Variants in LPP observed in about 807,000 individuals in gnomAD.
The protein encoded by LPP is LIM domain containing preferred translocation partner in lipoma, also known as lipoma-preferred partner.
Under a neutral mutation model 60.4 loss-of-function variants are expected in LPP, and 38 were observed. The observed-to-expected ratio is 0.63, with a 90% CI of 0.49 to 0.83. LPP has a LOEUF of 0.83. Among genes scored for constraint, LPP ranks in the 40% least tolerant of loss-of-function variants. The pLI is 0.00. For missense variants in LPP, 902 were observed against 783.6 expected (o/e 1.15, Z -1.80); for synonymous variants, 328 against 290.8 (o/e 1.13, Z -1.30).
chr3:188,229,950 A>G (rs1008586205), intron 2 of LPP, among the ~76,000 whole-genome samples: 18 of 152,276 alleles, frequency 1.2e-4, no homozygotes, highest in African/African-American at 4.3e-4. Flanking sequence ...TGCTGCCCTG[A>G]TCTCAGTGTT....
chr3:188,252,343 T>C (rs1730139145), intron 2 of LPP, among the ~76,000 whole-genome samples: 1 of 127,422 alleles, frequency 7.8e-6, no homozygotes, highest in Admixed American at 8.5e-5. Context: ...TCCCTCCCTT[T>C]CCCCCTTCTT....
rs564768936 is a variant in LPP, at chr3:188,609,929, AGT to A, written c.1113+94_1113+95del. 1,856 of 1,289,356 alleles carry A rather than the reference AGT, an allele frequency of 1.4e-3. 44 individuals are homozygous for A. The South Asian group carries it at 0.025, about 17-fold the overall frequency. The allele number at this position is 1,289,356 out of a possible 1,614,324, so 79.9% of individuals were successfully genotyped here. A position where few individuals can be genotyped will look rare whatever the true frequency, so the allele number is the denominator to read the frequency against. ...CCCAGGAAGCGAAGCCTAAGGCAAA[AGT>A]GTGTGTGTTACTTTTATTTCACTGA... On this transcript the variant is annotated intron_variant, in intron 7 of 11. Coordinates refer to ENST00000617246, the MANE Select transcript of LPP (RefSeq NM_001375462.1). The surrounding 1 kb of genome is among the most constrained non-coding windows in gnomAD (Gnocchi z 6.9).
rs762713351 is a variant in LPP, at chr3:188,524,889, T to TTCCG, written c.429+110_429+113dup. ...TGAGAGCTTATTTCCCCTTCCTTCCTTCCGTCCGTCCTTCCTTCCTTCCTT... is the reference window on the plus strand; with the variant it reads ...TGAGAGCTTATTTCCCCTTCCTTCCTTCCGTCCGTCCGTCCTTCCTTCCTTCCTT... On this transcript the variant is annotated intron_variant, in intron 6 of 11. Coordinates refer to ENST00000617246, the MANE Select transcript of LPP (RefSeq NM_001375462.1). The TTCCG allele has an allele frequency of 4.1e-4, 50 of 120,606 alleles. 3 individuals are homozygous for TTCCG. Among genetic ancestry groups the TTCCG allele is most frequent in the Admixed American group, 3.6e-3 (17 of 4,770 alleles). The allele number at this position is 120,606 out of a possible 1,614,324, so 7.5% of individuals were successfully genotyped here.
intron 3 of LPP, among the ~76,000 whole-genome samples, chr3:188,342,829 C>T (rs1052949153): frequency 4.6e-5 from 7 of 152,118 alleles, no homozygotes; most frequent in Non-Finnish European, 8.8e-5. Context: ...CACGTGCAGA[C>T]AAGGTAGGTT....
chr3:188,693,595 A>C (rs965269225), intron 7 of LPP, among the ~76,000 whole-genome samples: 3 of 151,880 alleles, frequency 2.0e-5, no homozygotes, highest in African/African-American at 7.3e-5. Context: ...GAGGAGAAAC[A>C]CTCTTTGTTT....
At chr3:188,555,536 C>G (rs1444069565) in intron 6 of LPP, among the ~76,000 whole-genome samples, 1 of 151,922 alleles carries the variant, frequency 6.6e-6, no homozygotes, top group Non-Finnish European at 1.5e-5. Context: ...CCATTGCAGC[C>G]TCAACAACTA....
chr3:188,752,213 G>A (rs1259806026), intron 8 of LPP, among the ~76,000 whole-genome samples: 1 of 152,130 alleles, frequency 6.6e-6, no homozygotes, highest in Non-Finnish European at 1.5e-5. Flanking sequence ...CCTAGAAAAG[G>A]TTACTGCAGT....
chr3:188,660,171 C>A (rs1854258021), intron 7 of LPP, among the ~76,000 whole-genome samples: 1 of 152,042 alleles, frequency 6.6e-6, no homozygotes, highest in South Asian at 2.1e-4. Context: ...TTACTTTTGC[C>A]TTGGTTCTCC....
chr3:188,517,117 A>C (rs997768241), intron 5 of LPP, among the ~76,000 whole-genome samples: 2 of 152,232 alleles, frequency 1.3e-5, no homozygotes, highest in Admixed American at 6.5e-5. Flanking sequence ...TATTATGTGA[A>C]TATTACTTGA....
chr3:188,317,340 G>A (rs1414524929), intron 2 of LPP, among the ~76,000 whole-genome samples: 5 of 151,854 alleles, frequency 3.3e-5, no homozygotes, highest in Non-Finnish European at 7.4e-5. Context: ...ATTCATGCAG[G>A]GCATCCTAGA....
chr3:188,296,452 G>A (rs959840743), intron 2 of LPP, among the ~76,000 whole-genome samples: 1 of 152,178 alleles, frequency 6.6e-6, no homozygotes, highest in East Asian at 1.9e-4. Flanking sequence ...CAGAGGCAGG[G>A]ATGTATCCAG....
In LPP at chr3:188,876,936, A is replaced by G. The variant is rs951005583; in HGVS notation, c.*2457A>G. ...TGCTTGCTTACAATCTTTATTATGC[A>G]TTCTTATAACATAACCTCAGAGTAT... On this transcript the variant is annotated 3_prime_UTR_variant, in exon 12 of 12. Transcript: ENST00000617246. The G allele has an allele frequency of 4.4e-5, 8 of 180,018 alleles. No individual in the cohort carries two copies. The South Asian group carries it at 1.6e-3, about 36-fold the overall frequency. 11.2% of individuals were successfully genotyped at this position (180,018 alleles called of 1,614,324 possible). A position where few individuals can be genotyped will look rare whatever the true frequency, so the allele number is the denominator to read the frequency against.
At chr3:188,615,685 G>T (rs183683666) in intron 7 of LPP, among the ~76,000 whole-genome samples, 1 of 152,258 alleles carries the variant, frequency 6.6e-6, no homozygotes, top group Admixed American at 6.5e-5. Flanking sequence ...CTTTAAGGAT[G>T]CATTTAACCT....
chr3:188,233,436 A>G (rs1441366329), intron 2 of LPP, among the ~76,000 whole-genome samples: 2 of 152,316 alleles, frequency 1.3e-5, no homozygotes, highest in East Asian at 1.9e-4. Context: ...GGACTTCTTC[A>G]GGATGAGATC....
chr3:188,634,980 G>A (rs1848463357), intron 7 of LPP, among the ~76,000 whole-genome samples: 1 of 152,170 alleles, frequency 6.6e-6, no homozygotes, highest in African/African-American at 2.4e-5. Context: ...GGATAGAATA[G>A]GGACCAGAAA....
chr3:188,524,217 C>T (rs933191035), intron 5 of LPP, among the ~76,000 whole-genome samples: 45 of 152,294 alleles, frequency 3.0e-4, no homozygotes, highest in African/African-American at 9.6e-4. Flanking sequence ...CTGGCATGCT[C>T]CAATGTCTTC....
intron 7 of LPP, among the ~76,000 whole-genome samples, chr3:188,699,277 C>G (rs1241583870): frequency 1.3e-5 from 2 of 152,128 alleles, no homozygotes; most frequent in African/African-American, 4.8e-5. Flanking sequence ...TGTGGAGAGA[C>G]CTCACTTTCC....
intron 7 of LPP, among the ~76,000 whole-genome samples, chr3:188,612,888 C>A (rs1844014243): frequency 6.6e-6 from 1 of 150,784 alleles, no homozygotes; most frequent in African/African-American, 2.4e-5. Flanking sequence ...AGAGGAGAGA[C>A]AGGATGGGGA....
chr3:188,398,086 C>T (rs958467201), intron 3 of LPP, among the ~76,000 whole-genome samples: 1 of 152,138 alleles, frequency 6.6e-6, no homozygotes, highest in African/African-American at 2.4e-5. Flanking sequence ...TTTTCTGGTA[C>T]TCTGTGCAAG....
Sources: allele counts gnomAD v4.1 joint callset (sites outside exome capture counted in the v4.1 genomes callset), GRCh38; gene constraint gnomAD v4.1.1; non-coding constraint Gnocchi (gnomAD v3.1); transcripts MANE v1.5; gene names NCBI Gene and HGNC (gene_info 2026-07-23, HGNC 2026-07-21).